BRD8: variants seen among roughly 807,000 people sequenced by gnomAD.
The protein encoded by BRD8 is bromodomain containing 8, also known as bromodomain-containing protein 8.
BRD8 carries 67 observed loss-of-function variants against 143.1 expected under a neutral mutation model. That is an observed-to-expected ratio of 0.47 (90% CI 0.38 to 0.57). The LOEUF (loss-of-function observed/expected upper bound fraction) is 0.57, where lower values mean the gene tolerates loss of function less well. BRD8 is among the 20% of genes least tolerant of loss of function. BRD8 has a pLI of 0.00. For synonymous variants in BRD8, 505 were observed against 517.1 expected (o/e 0.98, Z 0.32); for missense variants, 1,103 against 1,503.0 (o/e 0.73, Z 4.40).
intron 2 of BRD8, among the ~76,000 whole-genome samples, chr5:138,175,139 C>T (rs1025575266): frequency 2.0e-5 from 3 of 152,154 alleles, no homozygotes; most frequent in South Asian, 2.1e-4. Context: ...CCACCTCGGC[C>T]TCCCAAAGTG....
chr5:138,166,557 A>T lies in BRD8; in HGVS notation c.958T>A (p.Ser320Thr), dbSNP rs530751509. The T allele has an allele frequency of 6.2e-7, 1 of 1,613,948 alleles. No individual in the cohort carries two copies. The highest frequency in any genetic ancestry group is 1.1e-5 in the South Asian group (1 of 91,066). Reference sequence around the variant, plus strand: ...TCAGTAGTGGAGACAGCCGGAGCAGAGGATGGTGCTGGCAGCGCAGGCATC... The same window carrying T: ...TCAGTAGTGGAGACAGCCGGAGCAGTGGATGGTGCTGGCAGCGCAGGCATC... ...VMMPALPAPS[S>T]APAVSTTESV... Residue 320 changes from serine (S) to threonine (T), a missense_variant, in exon 10 of 27, where the codon TCT becomes ACT. By Grantham distance (58) the Ser-to-Thr change is moderately conservative. This residue lies in a region of BRD8 where 334 missense variants were observed against 372.5 expected (regional missense o/e 0.90). Transcript: ENST00000254900.
rs1483874602 is a variant in BRD8 at position 138,161,111 on chromosome 5, G to C, written c.2250-43C>G. The C allele has an allele frequency of 6.0e-6, 9 of 1,505,474 alleles. No individual in the cohort carries two copies. The Admixed American group carries it at 1.7e-4, about 28-fold the overall frequency. The allele number at this position is 1,505,474 out of a possible 1,614,324, so 93.3% of individuals were successfully genotyped here. ...GGGTAAGTAGCAGTGGGGATGGAAA[G>C]AGGACGCACCTAGATCTATGAATAC... On this transcript the variant is annotated intron_variant, in intron 17 of 26. Transcript: ENST00000254900.
intron 7 of BRD8, among the ~76,000 whole-genome samples, 189 bp downstream of exon 7, chr5:138,170,156 G>A (rs1487221647): frequency 6.6e-6 from 1 of 152,164 alleles, no homozygotes; most frequent in Admixed American, 6.5e-5. Context: ...AAGGTCTAGT[G>A]AGATCTGAGC....
intron 23 of BRD8, among the ~76,000 whole-genome samples, chr5:138,147,174 C>T (rs1206572316): frequency 6.6e-6 from 1 of 151,426 alleles, no homozygotes; most frequent in East Asian, 1.9e-4. Flanking sequence ...GTGGCTCAGG[C>T]TTATAATCCC....
At chr5:138,173,965 T>C (rs1276125910) in intron 2 of BRD8, among the ~76,000 whole-genome samples, 3 of 152,102 alleles carry the variant, frequency 2.0e-5, no homozygotes, top group Non-Finnish European at 2.9e-5. Flanking sequence ...ATGTGAGCCA[T>C]TGCACCCAGC....
intron 7 of BRD8, among the ~76,000 whole-genome samples, chr5:138,169,631 C>T (rs1168672474): frequency 6.6e-6 from 1 of 152,184 alleles, no homozygotes; most frequent in Non-Finnish European, 1.5e-5. Context: ...GTAGTTTAAA[C>T]ATCCTTTAAT....
chr5:138,172,168 G>A (rs752813359), intron 2 of BRD8, 34 bp from the exon 3 acceptor site: 6 of 1,548,610 alleles, frequency 3.9e-6, no homozygotes, highest in Non-Finnish European at 5.3e-6. Flanking sequence ...TACACACCAA[G>A]CAGAAAACAA....
In BRD8 at chr5:138,149,783, T is replaced by C; in HGVS notation, c.3135A>G (p.Gln1045=). The change falls in exon 23 of 27, where the codon CAA becomes CAG. Residue 1045 remains glutamine, a synonymous_variant. Coordinates refer to ENST00000254900, the MANE Select transcript of BRD8 (RefSeq NM_139199.2). The part of the protein sequence containing the change: ...LTESEEGEAQ[Q]ESKGEDQGEV... Reference sequence around the variant, plus strand: ...CACCCTGGTCCTCCCCTTTGGATTCTTGCTGAGCCTCCCCCTAGGAATGCC... The same window carrying C: ...CACCCTGGTCCTCCCCTTTGGATTCCTGCTGAGCCTCCCCCTAGGAATGCC... The C allele has an allele frequency of 2.5e-6, 4 of 1,604,472 alleles. No homozygotes were observed. Among genetic ancestry groups the C allele is most frequent in the Non-Finnish European group, 3.4e-6 (4 of 1,177,304 alleles).
At chr5:138,164,529 A>T in intron 12 of BRD8, 116 bp from the exon 13 acceptor site, 1 of 1,185,878 alleles carries the variant, frequency 8.4e-7, no homozygotes, top group Non-Finnish European at 1.2e-6. Context: ...TACTCATGTA[A>T]TGTGACTCCA....
chr5:138,152,896 T>A, intron 20 of BRD8, 136 bp from the exon 21 acceptor site: 1 of 951,630 alleles, frequency 1.1e-6, no homozygotes, highest in Non-Finnish European at 1.5e-6. Context: ...TAGGAAGAAT[T>A]AAAATCTTGC....
chr5:138,145,816 G>T lies in BRD8; in HGVS notation c.3341C>A (p.Pro1114Gln). 1 of 1,613,968 alleles carries T rather than the reference G, an allele frequency of 6.2e-7. No individual in the cohort carries two copies. Among genetic ancestry groups the T allele is most frequent in the South Asian group, 1.1e-5 (1 of 91,084 alleles). ...GTGACTGGCAATCATCTTCCAGACT[G>T]GCAGGAGAGTCTTCTTAAATAGCAA... The part of the protein sequence containing the change: ...DHLLFKKTLL[P>Q]VWKMIASHRF... The change falls in exon 24 of 27, where the codon CCA becomes CAA. Residue 1114 changes from proline (P) to glutamine (Q), a missense_variant. By Grantham distance (76) the Pro-to-Gln change is moderately conservative. This residue lies in a region of BRD8 where 369 missense variants were observed against 445.5 expected (regional missense o/e 0.83). Coordinates refer to ENST00000254900, the MANE Select transcript of BRD8 (RefSeq NM_139199.2).
chr5:138,163,050 C>CAGGAAGAAAGACGGA lies in BRD8; in HGVS notation c.2087+79_2087+80insTCCGTCTTTCTTCCT, dbSNP rs1554097211. On this transcript the variant is annotated intron_variant, in intron 15 of 26. Coordinates refer to ENST00000254900, the MANE Select transcript of BRD8 (RefSeq NM_139199.2). ...GGAAAAGAAAAGAAAAGAGAAAAGA[C>CAGGAAGAAAGACGGA]AGGAAGGAAGGAAGGAAGGAAAAGA... The CAGGAAGAAAGACGGA allele has an allele frequency of 7.9e-3, 916 of 116,646 alleles. 2 individuals are homozygous for CAGGAAGAAAGACGGA. The highest frequency in any genetic ancestry group is 5.3e-3 in the Non-Finnish European group (363 of 68,104). The allele number at this position is 116,646 out of a possible 1,614,324, so 7.2% of individuals were successfully genotyped here.
intron 20 of BRD8, among the ~76,000 whole-genome samples, chr5:138,156,184 G>C (rs1250400255): frequency 6.7e-6 from 1 of 150,100 alleles, no homozygotes; most frequent in Non-Finnish European, 1.5e-5. Flanking sequence ...CTGTTGCCCA[G>C]GCTGGAGTGC....
At chr5:138,156,774 C>T (rs757051313) in intron 20 of BRD8, 224 of 925,642 alleles carry the variant, frequency 2.4e-4, no homozygotes, top group Non-Finnish European at 2.8e-4. Flanking sequence ...TCCCCTGTAA[C>T]AATCTCATTC....
At chr5:138,164,248 T>G in intron 13 of BRD8, 72 bp downstream of exon 13, 1 of 1,581,364 alleles carries the variant, frequency 6.3e-7, no homozygotes, top group Non-Finnish European at 8.7e-7. Context: ...CCTCCTCTAC[T>G]TGCCCACAAC....
rs1752883892 is a variant in BRD8, at chr5:138,160,058, G to T, written c.2532+11C>A. On this transcript the variant is annotated intron_variant, in intron 19 of 26. Coordinates refer to ENST00000254900, the MANE Select transcript of BRD8 (RefSeq NM_139199.2). ...AACACTGGCACACAGGTTCCTTCCT[G>T]ATCGCCTCACCTTCTCTGAAGCATC... is the stretch of plus-strand genomic sequence containing the variant. 7 of 1,604,992 alleles carry T rather than the reference G, an allele frequency of 4.4e-6. No individual in the cohort carries two copies. In the East Asian group the frequency reaches 1.3e-4, roughly 31 times the overall value.
chr5:138,164,536 T>G, intron 12 of BRD8, 123 bp from the exon 13 acceptor site: 1 of 1,141,632 alleles, frequency 8.8e-7, no homozygotes, highest in South Asian at 1.4e-5. Context: ...GTAATGTGAC[T>G]CCAATGGTCA....
Position 138,166,029 on chromosome 5 carries a change from T to G in BRD8, c.1077A>C (p.Glu359Asp). 6.2e-7 allele frequency: 1 copy of G among 1,614,138 alleles called. No homozygotes were observed. The highest frequency in any genetic ancestry group is 1.1e-5 in the South Asian group (1 of 91,082). The part of the protein sequence containing the change: ...HTVTVSMDSS[E>D]ISMIINSIKE... ...TGATAGAATTGATGATCATGGATAT[T>G]TCACTGCTGTCCATGGAAACAGTCA... Residue 359 changes from glutamate (E) to aspartate (D), a missense_variant, in exon 11 of 27, where the codon GAA becomes GAC. Transcript: ENST00000254900.
chr5:138,153,771 G>T (rs1752464764), intron 20 of BRD8, among the ~76,000 whole-genome samples: 1 of 150,650 alleles, frequency 6.6e-6, no homozygotes, highest in Non-Finnish European at 1.5e-5. Context: ...CTGCTTCCTG[G>T]GTTCAAGCAA....
Sources: allele counts gnomAD v4.1 joint callset (sites outside exome capture counted in the v4.1 genomes callset), GRCh38; gene constraint gnomAD v4.1.1; regional missense constraint gnomAD v4.1.1; transcripts MANE v1.5; gene names NCBI Gene and HGNC (gene_info 2026-07-23, HGNC 2026-07-21).